GNG2: variants seen among roughly 807,000 people sequenced by gnomAD.
GNG2 encodes the protein guanine nucleotide-binding protein G(I)/G(S)/G(O) subunit gamma-2.
In GNG2, 5 loss-of-function variants were observed where a neutral mutation model predicts 5.5. The ratio of observed to expected loss-of-function variants is 0.91; its 90% confidence interval spans 0.48 to 1.92. GNG2 has a LOEUF of 1.92. Ranked by LOEUF, GNG2 falls within the 30% of genes most tolerant of loss-of-function variation. The pLI, the probability that GNG2 is intolerant of heterozygous loss-of-function variation, is 0.01. For missense variants in GNG2, 55 were observed against 88.4 expected (o/e 0.62, Z 1.52); for synonymous variants, 28 against 32.0 (o/e 0.88, Z 0.42).
chr14:51,931,640 C>T (rs1887665011), intron 2 of GNG2, among the ~76,000 whole-genome samples: 1 of 151,868 alleles, frequency 6.6e-6, no homozygotes, highest in Non-Finnish European at 1.5e-5. Flanking sequence ...AGAAGAGAGA[C>T]TGAGAAAGAA....
At chr14:51,903,850 A>C (rs1040571629) in intron 2 of GNG2, among the ~76,000 whole-genome samples, 1 of 152,202 alleles carries the variant, frequency 6.6e-6, no homozygotes, top group African/African-American at 2.4e-5. Flanking sequence ...GGTAGCTGTG[A>C]CCCAAATCCT....
At chr14:51,845,014 C>T (rs1306269688) in intron 2 of GNG2, among the ~76,000 whole-genome samples, 1 of 151,832 alleles carries the variant, frequency 6.6e-6, no homozygotes, top group Non-Finnish European at 1.5e-5. Flanking sequence ...CGTTAGCCAC[C>T]ATGCCCAGCC....
chr14:51,881,263 C>G (rs1025263741), intron 2 of GNG2, among the ~76,000 whole-genome samples: 2 of 152,146 alleles, frequency 1.3e-5, no homozygotes, highest in Admixed American at 1.3e-4. Context: ...ACTTTTCCCC[C>G]CTAAGAGACA....
At chr14:51,894,849 G>T (rs1023128447) in intron 2 of GNG2, among the ~76,000 whole-genome samples, 2 of 151,944 alleles carry the variant, frequency 1.3e-5, no homozygotes, top group Non-Finnish European at 2.9e-5. Context: ...TGTTGCTTCT[G>T]GGAAATTAAT....
chr14:51,938,616 C>T (rs1375164292), intron 2 of GNG2, among the ~76,000 whole-genome samples: 1 of 152,192 alleles, frequency 6.6e-6, no homozygotes, highest in Admixed American at 6.5e-5. Flanking sequence ...TGTCTCCTGG[C>T]ACATGTTTTC....
At chr14:51,849,083 C>T (rs1881785063) in intron 2 of GNG2, among the ~76,000 whole-genome samples, 1 of 152,128 alleles carries the variant, frequency 6.6e-6, no homozygotes, top group Admixed American at 6.5e-5. Flanking sequence ...ATTTCTGGCC[C>T]TCAGTCTAAC....
chr14:51,922,305 GAT>G (rs1474885317), intron 2 of GNG2, among the ~76,000 whole-genome samples: 4 of 152,200 alleles, frequency 2.6e-5, no homozygotes, highest in Non-Finnish European at 5.9e-5. Context: ...TAGCTTTTTA[GAT>G]AAAAGGAAAA....
intron 1 of GNG2, among the ~76,000 whole-genome samples, chr14:51,873,358 G>A (rs962862339): frequency 2.6e-5 from 4 of 152,228 alleles, no homozygotes; most frequent in Admixed American, 2.0e-4. Flanking sequence ...AATTAGGCCT[G>A]TTGAGTTGGC....
At chr14:51,851,582 A>G (rs34916129) in intron 2 of GNG2, among the ~76,000 whole-genome samples, 11,182 of 152,244 alleles carry the variant, frequency 0.073, 487 homozygotes, top group African/African-American at 0.1. Context: ...TTCTTTTCCT[A>G]CAGACTTAAG....
At chr14:51,870,827 A>G (rs1305687644) in intron 1 of GNG2, among the ~76,000 whole-genome samples, 1 of 152,194 alleles carries the variant, frequency 6.6e-6, no homozygotes, top group Non-Finnish European at 1.5e-5. Context: ...AATAGTGAAA[A>G]AGGGAAATTT....
At chr14:51,874,394 C>T (rs1325755651) in intron 1 of GNG2, among the ~76,000 whole-genome samples, 1 of 142,994 alleles carries the variant, frequency 7.0e-6, no homozygotes, top group African/African-American at 2.6e-5. Flanking sequence ...CACTGCACTC[C>T]AGCCTGGGTG....
At chr14:51,832,100 C>T (rs1186174678) in intron 2 of GNG2, among the ~76,000 whole-genome samples, 3 of 151,494 alleles carry the variant, frequency 2.0e-5, no homozygotes, top group Non-Finnish European at 4.4e-5. Context: ...GACAACATGG[C>T]GAGACCCTGT....
chr14:51,866,805 G>A (rs1176463852), intron 1 of GNG2, among the ~76,000 whole-genome samples: 1 of 152,200 alleles, frequency 6.6e-6, no homozygotes, highest in Non-Finnish European at 1.5e-5. Context: ...TTGCACTGGG[G>A]ATCAGGTTCC....
In GNG2 at chr14:51,876,381, T is replaced by C. The variant is rs1176718434; in HGVS notation, c.-70-1236T>C. Among the ~76,000 whole-genome samples, 5 of 152,212 alleles carry C rather than the reference T, an allele frequency of 3.3e-5. No individual in the cohort carries two copies. In the East Asian group the frequency reaches 7.7e-4, roughly 23 times the overall value. ...TGTCCACATTGTGGGTTTGTTTTGG[T>C]TAAAGTCATGGAGTGGCATCACTAA... On this transcript the variant is annotated intron_variant, in intron 1 of 3. Transcript: ENST00000556766.
At chr14:51,925,372 T>C (rs549251772) in intron 2 of GNG2, among the ~76,000 whole-genome samples, 1 of 152,366 alleles carries the variant, frequency 6.6e-6, no homozygotes, top group South Asian at 2.1e-4. Flanking sequence ...GATGTTTAAG[T>C]AACTTGACCA....
intron 2 of GNG2, among the ~76,000 whole-genome samples, chr14:51,829,477 C>T (rs1005130270): frequency 2.0e-5 from 3 of 152,122 alleles, no homozygotes; most frequent in Non-Finnish European, 4.4e-5. Flanking sequence ...CTCCAGGGTA[C>T]TCACGTGTCA....
intron 2 of GNG2, among the ~76,000 whole-genome samples, chr14:51,897,368 A>G (rs1454664196): frequency 4.6e-5 from 7 of 152,184 alleles, no homozygotes; most frequent in African/African-American, 7.2e-5. Context: ...TGTAGAAGTG[A>G]TGGCCCCCAT....
At chr14:51,932,408 C>T (rs1350514445) in intron 2 of GNG2, among the ~76,000 whole-genome samples, 1 of 152,050 alleles carries the variant, frequency 6.6e-6, no homozygotes, top group African/African-American at 2.4e-5. Context: ...AAGATAAATA[C>T]TGTATGATTC....
Position 51,966,753 on chromosome 14 carries a change from T to C in GNG2, c.*66T>C. The C allele has an allele frequency of 7.2e-7, 1 of 1,387,806 alleles. No individual in the cohort carries two copies. The highest frequency in any genetic ancestry group is 1.2e-5 in the South Asian group (1 of 86,386). 86.0% of individuals were successfully genotyped at this position (1,387,806 alleles called of 1,614,324 possible). On this transcript the variant is annotated 3_prime_UTR_variant, in exon 4 of 4. Coordinates refer to ENST00000556766, the MANE Select transcript of GNG2 (RefSeq NM_053064.5). ...CATTGATGTAGAGTTTTTAGTGAAGTGGGCACCTTTCTAGTCCACGGCATT... is the reference window on the plus strand; with the variant it reads ...CATTGATGTAGAGTTTTTAGTGAAGCGGGCACCTTTCTAGTCCACGGCATT...
Sources: gnomAD v4.1 joint callset for allele counts (sites outside exome capture counted in the v4.1 genomes callset) on GRCh38, gnomAD v4.1.1 for gene constraint, MANE v1.5 for transcripts, NCBI Gene and HGNC (gene_info 2026-07-23, HGNC 2026-07-21) for gene names.